LRMDA: variants seen among roughly 807,000 people sequenced by gnomAD.
LRMDA encodes leucine-rich melanocyte differentiation-associated protein.
LRMDA carries 18 observed loss-of-function variants against 29.8 expected under a neutral mutation model. The observed-to-expected ratio is 0.60, with a 90% confidence interval of 0.42 to 0.90. The LOEUF (loss-of-function observed/expected upper bound fraction) is 0.90. Ranked by LOEUF, LRMDA falls within the 40% of genes least tolerant of loss-of-function variation. The pLI, the probability that LRMDA is intolerant of heterozygous loss-of-function variation, is 0.00. For synonymous variants in LRMDA, 125 were observed against 109.4 expected, an observed-to-expected ratio of 1.14 and a Z score of -0.89; for missense variants, 273 against 273.9, an observed-to-expected ratio of 1.00 and a Z score of 0.02.
chr10:75,826,530 G>A (rs1468894740), intron 2 of LRMDA, among the ~76,000 whole-genome samples: 1 of 151,996 alleles, frequency 6.6e-6, no homozygotes, highest in Non-Finnish European at 1.5e-5. Flanking sequence ...TAAGATTCTG[G>A]GCCTGTGGAG....
intron 2 of LRMDA, among the ~76,000 whole-genome samples, chr10:75,718,829 T>G (rs1003293615): frequency 1.3e-5 from 2 of 152,220 alleles, no homozygotes; most frequent in Non-Finnish European, 2.9e-5. Context: ...GTGTTCTTGG[T>G]TACTATAGTC....
intron 2 of LRMDA, among the ~76,000 whole-genome samples, chr10:76,025,601 G>A (rs1848050222): frequency 6.6e-6 from 1 of 152,016 alleles, no homozygotes; most frequent in African/African-American, 2.4e-5. Context: ...TGTCATGTTG[G>A]AAATGGATAC....
At chr10:75,867,565 T>G (rs1405723917) in intron 2 of LRMDA, among the ~76,000 whole-genome samples, 2 of 152,068 alleles carry the variant, frequency 1.3e-5, no homozygotes, top group Non-Finnish European at 2.9e-5. Context: ...TAGAGAGAAA[T>G]TAAAGTGACT....
intron 5 of LRMDA, among the ~76,000 whole-genome samples, chr10:76,238,472 C>A (rs1044454213): frequency 6.6e-6 from 1 of 150,626 alleles, no homozygotes; most frequent in African/African-American, 2.4e-5. Context: ...GAATAAGGAC[C>A]CCCCCGCCCT....
At chr10:76,131,556 G>A (rs1849992824) in intron 5 of LRMDA, among the ~76,000 whole-genome samples, 2 of 151,992 alleles carry the variant, frequency 1.3e-5, no homozygotes, top group African/African-American at 4.8e-5. Context: ...TGCCTTTTAG[G>A]CAATATTATT....
At chr10:76,526,402 A>G (rs1048852904) in intron 6 of LRMDA, among the ~76,000 whole-genome samples, 10 of 152,060 alleles carry the variant, frequency 6.6e-5, no homozygotes, top group African/African-American at 2.4e-4. Context: ...TCCTGGCATC[A>G]TTTCCTCACC....
intron 2 of LRMDA, among the ~76,000 whole-genome samples, chr10:75,590,046 G>T (rs1269960139): frequency 6.8e-6 from 1 of 148,062 alleles, no homozygotes; most frequent in Non-Finnish European, 1.5e-5. Context: ...TGAAGATAGG[G>T]TCTCACTCTG....
chr10:76,053,500 C>T (rs1444781200), intron 4 of LRMDA, among the ~76,000 whole-genome samples: 5 of 147,970 alleles, frequency 3.4e-5, no homozygotes, highest in Non-Finnish European at 6.0e-5. Context: ...TGGGAATCCT[C>T]TCTTGTATTT....
chr10:76,254,300 T>TATACTATACCATACCATACC (rs66939986), intron 5 of LRMDA, among the ~76,000 whole-genome samples: 7,711 of 90,200 alleles, frequency 0.085, 456 homozygotes, highest in African/African-American at 0.1. Flanking sequence ...TATACTATAC[T>TATACTATACCATACCATACC]ATACCATACC....
chr10:76,050,687 G>T (rs1351416649), intron 4 of LRMDA, among the ~76,000 whole-genome samples: 2 of 152,216 alleles, frequency 1.3e-5, no homozygotes, highest in African/African-American at 4.8e-5. Flanking sequence ...AGACCACCAT[G>T]CTACTGAGAA....
intron 2 of LRMDA, among the ~76,000 whole-genome samples, chr10:75,700,881 G>C (rs1006574043): frequency 1.3e-5 from 2 of 152,248 alleles, no homozygotes; most frequent in East Asian, 1.9e-4. Context: ...TGTCGGCCCA[G>C]GTGTGTTCGA....
chr10:75,688,180 G>C (rs2132158186), intron 2 of LRMDA, among the ~76,000 whole-genome samples: 1 of 152,332 alleles, frequency 6.6e-6, no homozygotes, highest in Middle Eastern at 3.4e-3. Flanking sequence ...AATATATTTT[G>C]TAAGGCTCTA....
At chr10:76,492,097 C>G (rs1274736388) in intron 6 of LRMDA, among the ~76,000 whole-genome samples, 3 of 152,022 alleles carry the variant, frequency 2.0e-5, no homozygotes, top group Non-Finnish European at 4.4e-5. Flanking sequence ...AATTCCTTCT[C>G]TTCGTTATCT....
At chr10:75,816,059 C>A (rs1293669475) in intron 2 of LRMDA, among the ~76,000 whole-genome samples, 1 of 152,196 alleles carries the variant, frequency 6.6e-6, no homozygotes. Context: ...TTTGCTGCAG[C>A]TATGATCTTT....
At chr10:75,485,759 G>C (rs1438246915) in intron 2 of LRMDA, among the ~76,000 whole-genome samples, 1 of 152,166 alleles carries the variant, frequency 6.6e-6, no homozygotes, top group East Asian at 1.9e-4. Flanking sequence ...TGTATGTTTA[G>C]TGGAGACAGT....
At chr10:75,640,054 G>A (rs1482641635) in intron 2 of LRMDA, among the ~76,000 whole-genome samples, 1 of 152,204 alleles carries the variant, frequency 6.6e-6, no homozygotes, top group Non-Finnish European at 1.5e-5. Context: ...AGTCTGGGGT[G>A]AAGATGAAAG....
At chr10:76,459,609 T>C (rs554121258) in intron 6 of LRMDA, among the ~76,000 whole-genome samples, 1 of 152,114 alleles carries the variant, frequency 6.6e-6, no homozygotes, top group Admixed American at 6.6e-5. Context: ...TGAGTGAGGG[T>C]GGGAATAGGG....
At chr10:76,300,305 C>T (rs1840464763) in intron 5 of LRMDA, among the ~76,000 whole-genome samples, 1 of 152,164 alleles carries the variant, frequency 6.6e-6, no homozygotes, top group South Asian at 2.1e-4. Flanking sequence ...TGTGCAGCTA[C>T]ATTTGGGGAC....
chr10:76,377,571 G>A (rs544947540), intron 6 of LRMDA, among the ~76,000 whole-genome samples: 2 of 152,106 alleles, frequency 1.3e-5, no homozygotes, highest in Non-Finnish European at 2.9e-5. Flanking sequence ...TGAGACATAT[G>A]GGTCCAGTTT....
Sources: gnomAD v4.1 joint callset for allele counts (sites outside exome capture counted in the v4.1 genomes callset) on GRCh38, gnomAD v4.1.1 for gene constraint, MANE v1.5 for transcripts, NCBI Gene and HGNC (gene_info 2026-07-23, HGNC 2026-07-21) for gene names.